The following UPRT variants were observed in gnomAD, a reference collection of about 807,000 sequenced individuals.
The protein encoded by UPRT is uracil phosphoribosyltransferase homolog, also known as RP11-311P8.3.
UPRT carries 5 observed loss-of-function variants against 22.6 expected under a neutral mutation model. The ratio of observed to expected loss-of-function variants is 0.22; its 90% CI spans 0.12 to 0.47. UPRT has a LOEUF of 0.47. UPRT is among the 20% of genes least tolerant of loss of function. The probability of loss-of-function intolerance (pLI) is 0.99; values close to 1 mark genes in which losing one functional copy is unlikely to be tolerated. For synonymous variants in UPRT, 77 were observed against 87.7 expected (o/e 0.88, Z 0.68); for missense variants, 181 against 239.9 (o/e 0.75, Z 1.62).
At chrX:75,281,592 C>T (rs1331358479) in intron 1 of UPRT, among the ~76,000 whole-genome samples, 3 of 111,694 alleles carry the variant, frequency 2.7e-5, no homozygotes, top group Non-Finnish European at 5.6e-5. Context: ...ATTAAACCAT[C>T]CCTGCATCCC....
chrX:75,266,913 G>C (rs762969174), intron 4 of UPRT, among the ~76,000 whole-genome samples: 36 of 111,353 alleles, frequency 3.2e-4, no homozygotes, highest in African/African-American at 1.0e-3. Context: ...AGTTAGAATG[G>C]CGATCATTAA....
Position 75,260,080 on chromosome X carries a change from C to A in UPRT, c.-446-30944C>A, listed in dbSNP as rs756252964. Among the ~76,000 whole-genome samples the A allele has an allele frequency of 4.5e-5, 5 of 111,953 alleles. No homozygotes were observed. The South Asian group carries it at 1.9e-3, about 42-fold the overall frequency. On this transcript the variant is annotated intron_variant, in intron 4 of 13. Coordinates refer to the UPRT transcript ENST00000652605. Reference sequence around the variant, plus strand: ...CTGAGAGATTTTATCACCACCAGGCCTGCCTTACAAGAGCTCCTGAAGGAA... The same window carrying A: ...CTGAGAGATTTTATCACCACCAGGCATGCCTTACAAGAGCTCCTGAAGGAA...
chrX:75,221,317 G>C lies in UPRT; in HGVS notation c.-447+53438G>C, dbSNP rs748936666. On this transcript the variant is annotated intron_variant, in intron 4 of 13. Coordinates refer to the UPRT transcript ENST00000652605. The stretch of plus-strand genomic sequence containing the variant: ...AGGTAGTATTCTTTGGGTTAAATCT[G>C]CTTGGTGTTCTATAACCTTCTTGTA... Among the ~76,000 whole-genome samples, 28 of 110,198 alleles carry C rather than the reference G, an allele frequency of 2.5e-4. 1 individual carries two copies. In the East Asian group the frequency reaches 8.0e-3, roughly 31 times the overall value.
chrX:75,249,001 G>T (rs187351081), intron 4 of UPRT, among the ~76,000 whole-genome samples: 3 of 111,318 alleles, frequency 2.7e-5, no homozygotes, highest in Non-Finnish European at 3.8e-5. Context: ...TTACAGACAA[G>T]CAAATGCCGA....
chrX:75,289,500 AAAGCAATCCT>A (rs2082697264), intron 1 of UPRT, among the ~76,000 whole-genome samples: 1 of 111,171 alleles, frequency 9.0e-6, no homozygotes, highest in Non-Finnish European at 1.9e-5. Flanking sequence ...CAGAATAGCC[AAAGCAATCCT>A]AAGCAAAAAG....
At position 75,259,126 on chromosome X, in the gene UPRT, A is replaced by T. The variant is rs750395364; in HGVS notation, c.-446-31898A>T. ...GAGACCCCATCCGAAGGTCACCGACATCAAAGACCAAAAAGAGATAAATCC... is the reference window on the plus strand; with the variant it reads ...GAGACCCCATCCGAAGGTCACCGACTTCAAAGACCAAAAAGAGATAAATCC... On this transcript the variant is annotated intron_variant, in intron 4 of 13. Coordinates refer to the UPRT transcript ENST00000652605. 2.2e-4 allele frequency among the ~76,000 whole-genome samples: 24 copies of T among 111,610 alleles called. 1 individual carries two copies. In the South Asian group the frequency reaches 2.3e-3, roughly 11 times the overall value.
At chrX:75,179,454 C>G (rs759189599) in intron 4 of UPRT, among the ~76,000 whole-genome samples, 284 of 113,459 alleles carry the variant, frequency 2.5e-3, no homozygotes, top group Non-Finnish European at 4.4e-3. Context: ...GCTGGCTTCA[C>G]CTAGTGGATC....
chrX:75,237,689 A>T (rs1456144227), intron 4 of UPRT, among the ~76,000 whole-genome samples: 2 of 107,218 alleles, frequency 1.9e-5, no homozygotes, highest in Non-Finnish European at 3.8e-5. Flanking sequence ...TCAGTAAACT[A>T]TCGCAAGAAC....
At chrX:75,240,163 GT>G (rs1471082093) in intron 4 of UPRT, among the ~76,000 whole-genome samples, 1 of 111,048 alleles carries the variant, frequency 9.0e-6, no homozygotes, top group East Asian at 2.8e-4. Flanking sequence ...AACTATTGCT[GT>G]TTGGTGATGA....
At chrX:75,186,272 G>C (rs5981795) in intron 4 of UPRT, among the ~76,000 whole-genome samples, 1 of 111,442 alleles carries the variant, frequency 9.0e-6, no homozygotes, top group Admixed American at 9.5e-5. Flanking sequence ...CCGTCATTTC[G>C]TTATGTACCC....
Position 75,289,144 on chromosome X carries a change from G to C in UPRT, c.387-4328G>C, listed in dbSNP as rs908109030. Among the ~76,000 whole-genome samples the C allele has an allele frequency of 2.7e-5, 3 of 110,835 alleles. No individual in the cohort carries two copies. The South Asian group carries it at 1.2e-3, about 43-fold the overall frequency. The stretch of plus-strand genomic sequence containing the variant: ...GGATCACTTGAGCTGAGGAGTTCAA[G>C]ACCAGCCTGGGCAATATAGTGAGAT... On this transcript the variant is annotated intron_variant, in intron 1 of 6. Coordinates refer to ENST00000373383, the MANE Select transcript of UPRT (RefSeq NM_145052.4).
chrX:75,168,950 T>A (rs886512209), intron 4 of UPRT, among the ~76,000 whole-genome samples: 2 of 111,940 alleles, frequency 1.8e-5, no homozygotes, highest in African/African-American at 3.2e-5. Flanking sequence ...TTCCCCTGAA[T>A]CTCCAAAGTC....
intron 4 of UPRT, among the ~76,000 whole-genome samples, chrX:75,218,790 A>T (rs1278588769): frequency 1.9e-5 from 2 of 107,388 alleles, no homozygotes; most frequent in Non-Finnish European, 3.8e-5. Context: ...TTGCAAGAAC[A>T]AAAAACCAAA....
chrX:75,227,330 T>C (rs758502554), intron 4 of UPRT, among the ~76,000 whole-genome samples: 8 of 111,882 alleles, frequency 7.2e-5, no homozygotes, highest in Non-Finnish European at 1.3e-4. Context: ...GGAATATATG[T>C]GTTGTGGGCC....
At chrX:75,182,618 G>C (rs1482832782) in intron 4 of UPRT, among the ~76,000 whole-genome samples, 1 of 111,613 alleles carries the variant, frequency 9.0e-6, no homozygotes, top group Admixed American at 9.5e-5. Flanking sequence ...ATTTCTTTTA[G>C]ATTTTCTACT....
intron 4 of UPRT, among the ~76,000 whole-genome samples, chrX:75,262,139 TAAAGA>T (rs2082570500): frequency 2.7e-5 from 3 of 111,445 alleles, no homozygotes; most frequent in African/African-American, 9.8e-5. Context: ...TCAACATTCT[TAAAGA>T]AAAGAATTTT....
At chrX:75,184,215 G>A (rs2082281205) in intron 4 of UPRT, among the ~76,000 whole-genome samples, 1 of 111,840 alleles carries the variant, frequency 8.9e-6, no homozygotes, top group African/African-American at 3.2e-5. Context: ...GTGTAAGGAA[G>A]GGATCCAGTT....
At chrX:75,247,287 C>T (rs2082510035) in intron 4 of UPRT, among the ~76,000 whole-genome samples, 1 of 111,332 alleles carries the variant, frequency 9.0e-6, no homozygotes, top group African/African-American at 3.3e-5. Context: ...GAAGCATTGC[C>T]TCATCCGGGA....
chrX:75,207,760 G>T (rs756741070), intron 4 of UPRT, among the ~76,000 whole-genome samples: 4 of 111,426 alleles, frequency 3.6e-5, no homozygotes, highest in Non-Finnish European at 7.5e-5. Flanking sequence ...ATATTTTTAG[G>T]CAGGGTGGCC....
Sources: allele counts gnomAD v4.1 joint callset (sites outside exome capture counted in the v4.1 genomes callset), GRCh38; gene constraint gnomAD v4.1.1; transcripts MANE v1.5; gene names NCBI Gene and HGNC (gene_info 2026-07-23, HGNC 2026-07-21).